RYR2: variants seen among roughly 807,000 people sequenced by gnomAD.
The protein encoded by RYR2 is ryanodine receptor 2.
Under a neutral mutation model 601.1 loss-of-function variants are expected in RYR2, and 227 were observed. The ratio of observed to expected loss-of-function variants is 0.38; its 90% CI spans 0.34 to 0.42. The LOEUF is 0.42. Ranked by LOEUF, RYR2 falls within the 10% of genes least tolerant of loss-of-function variation. The pLI is 1.00. For synonymous variants in RYR2, 2,223 were observed against 2,175.1 expected (o/e 1.02, Z -0.61); for missense variants, 4,646 against 6,156.5 (o/e 0.75, Z 8.21).
chr1:237,339,012 A>G (rs1385766681), intron 3 of RYR2, among the ~76,000 whole-genome samples: 1 of 152,176 alleles, frequency 6.6e-6, no homozygotes, highest in Non-Finnish European at 1.5e-5. Context: ...ATGTTCATCC[A>G]TTTTCAAATA....
At chr1:237,812,724 C>T (rs1661378480) in intron 100 of RYR2, among the ~76,000 whole-genome samples, 1 of 152,122 alleles carries the variant, frequency 6.6e-6, no homozygotes, top group African/African-American at 2.4e-5. Flanking sequence ...TGCTAGTCTT[C>T]TTCTCCGATT....
intron 8 of RYR2, among the ~76,000 whole-genome samples, chr1:237,381,277 G>C (rs201264911): frequency 1.1e-5 from 1 of 88,884 alleles, no homozygotes; most frequent in Non-Finnish European, 2.4e-5. Flanking sequence ...AAAAAAAAAA[G>C]AATGCTTAAA....
At chr1:237,223,286 C>T (rs989098643) in intron 1 of RYR2, among the ~76,000 whole-genome samples, 2 of 152,140 alleles carry the variant, frequency 1.3e-5, no homozygotes, top group Non-Finnish European at 2.9e-5. Flanking sequence ...GCTGTGTCCT[C>T]GCATGGCTAA....
At chr1:237,118,754 C>T (rs746609573) in intron 1 of RYR2, among the ~76,000 whole-genome samples, 2 of 152,044 alleles carry the variant, frequency 1.3e-5, no homozygotes, top group Non-Finnish European at 2.9e-5. Context: ...CAGGCATGGA[C>T]CACCACGCCT....
chr1:237,784,612 C>T lies in RYR2; in HGVS notation c.12900C>T (p.Ser4300=). The part of the protein sequence containing the change: ...IFMTLLHFVA[S]VFRGFFRIIC... Reference sequence around the variant, plus strand: ...TGACCCTCTTGCACTTCGTGGCCAGCGTTTTCAGAGGCTTTTTCCGCATCA... The same window carrying T: ...TGACCCTCTTGCACTTCGTGGCCAGTGTTTTCAGAGGCTTTTTCCGCATCA... Residue 4300 remains serine, a synonymous_variant, in exon 90 of 105, where the codon AGC becomes AGT. Transcript: ENST00000366574. The surrounding 1 kb of genome is among the most constrained non-coding windows in gnomAD (Gnocchi z 7.1). 1 of 1,613,874 alleles carries T rather than the reference C, an allele frequency of 6.2e-7. No individual in the cohort carries two copies. The highest frequency in any genetic ancestry group is 8.5e-7 in the Non-Finnish European group (1 of 1,179,842).
chr1:237,702,819 A>T (rs905423274), intron 66 of RYR2, among the ~76,000 whole-genome samples: 3 of 152,058 alleles, frequency 2.0e-5, no homozygotes, highest in Non-Finnish European at 2.9e-5. Flanking sequence ...TGGCCTACCA[A>T]ATATTAAAAC....
intron 1 of RYR2, among the ~76,000 whole-genome samples, chr1:237,107,285 G>T (rs1668790102): frequency 6.6e-6 from 1 of 151,752 alleles, no homozygotes; most frequent in Non-Finnish European, 1.5e-5. Context: ...GTTCTGGGAG[G>T]CTGAGGCGGG....
At chr1:237,684,434 T>C (rs967950331) in intron 62 of RYR2, among the ~76,000 whole-genome samples, 2 of 151,910 alleles carry the variant, frequency 1.3e-5, no homozygotes, top group South Asian at 4.2e-4. Flanking sequence ...GCTGGGAATA[T>C]AGAAGAGATG....
At chr1:237,295,414 G>T (rs1692656348) in intron 2 of RYR2, among the ~76,000 whole-genome samples, 1 of 152,012 alleles carries the variant, frequency 6.6e-6, no homozygotes, top group East Asian at 1.9e-4. Context: ...ACAAAGCTGT[G>T]GTAGTCATTG....
intron 1 of RYR2, among the ~76,000 whole-genome samples, chr1:237,119,760 C>T (rs563826855): frequency 8.2e-4 from 125 of 152,236 alleles, no homozygotes; most frequent in South Asian, 1.9e-3. Flanking sequence ...GCCAGGGAGA[C>T]CTGGGGGAAA....
chr1:237,680,831 A>G (rs983201147), intron 62 of RYR2, among the ~76,000 whole-genome samples: 14 of 152,232 alleles, frequency 9.2e-5, no homozygotes, highest in South Asian at 6.2e-4. Flanking sequence ...TCATTTCACA[A>G]TCTACACATA....
chr1:237,526,709 G>A (rs1463745957), intron 24 of RYR2, among the ~76,000 whole-genome samples: 1 of 151,972 alleles, frequency 6.6e-6, no homozygotes, highest in Non-Finnish European at 1.5e-5. Flanking sequence ...AGTTCTGTGT[G>A]GATTCTGGAT....
intron 1 of RYR2, among the ~76,000 whole-genome samples, chr1:237,099,828 T>C (rs1667886575): frequency 7.8e-6 from 1 of 128,020 alleles, no homozygotes; most frequent in South Asian, 2.8e-4. Flanking sequence ...CCCCAAATAT[T>C]ATGAGGTAGG....
chr1:237,746,412 A>G (rs1176747902), intron 80 of RYR2, among the ~76,000 whole-genome samples: 3 of 152,144 alleles, frequency 2.0e-5, no homozygotes, highest in Non-Finnish European at 4.4e-5. Flanking sequence ...GAGAAGAGAA[A>G]CGAAGTAGGT....
intron 1 of RYR2, among the ~76,000 whole-genome samples, chr1:237,066,363 G>A (rs1453552092): frequency 1.3e-5 from 2 of 152,166 alleles, no homozygotes; most frequent in African/African-American, 4.8e-5. Context: ...AATATGTTTT[G>A]TTGGTTGTAA....
chr1:237,730,150 T>C, intron 76 of RYR2, 110 bp from the exon 77 acceptor site: 1 of 654,640 alleles, frequency 1.5e-6, no homozygotes, highest in Non-Finnish European at 2.8e-6. Flanking sequence ...GAGAATTTAT[T>C]TCTATTTTAC....
At chr1:237,127,508 G>A (rs1360305113) in intron 1 of RYR2, among the ~76,000 whole-genome samples, 1 of 151,356 alleles carries the variant, frequency 6.6e-6, no homozygotes, top group African/African-American at 2.4e-5. Flanking sequence ...TGGCCGGGCG[G>A]GGGGCTGATG....
intron 14 of RYR2, among the ~76,000 whole-genome samples, chr1:237,450,542 T>A (rs1657960021): frequency 8.5e-6 from 1 of 117,686 alleles, no homozygotes; most frequent in Non-Finnish European, 2.0e-5. Flanking sequence ...CATTATACTT[T>A]GTTTTTTTGG....
At chr1:237,300,338 T>C (rs931929457) in intron 2 of RYR2, among the ~76,000 whole-genome samples, 2 of 152,200 alleles carry the variant, frequency 1.3e-5, no homozygotes, top group African/African-American at 4.8e-5. Context: ...ATTCTGTTAA[T>C]ATTTTTCCCT....
Sources: allele counts gnomAD v4.1 joint callset (sites outside exome capture counted in the v4.1 genomes callset), GRCh38; gene constraint gnomAD v4.1.1; non-coding constraint Gnocchi (gnomAD v3.1); transcripts MANE v1.5; gene names NCBI Gene and HGNC (gene_info 2026-07-23, HGNC 2026-07-21).